NEK11: variants seen among roughly 807,000 people sequenced by gnomAD.
NEK11 encodes NIMA related kinase 11.
A neutral mutation model predicts 80.7 loss-of-function variants in NEK11; 72 were observed. The observed-to-expected ratio is 0.89, with a 90% CI of 0.74 to 1.08. The LOEUF is 1.08. Ranked by LOEUF, NEK11 falls within the 50% of genes least tolerant of loss-of-function variation. The probability of loss-of-function intolerance (pLI) is 0.00; values close to 1 mark genes in which losing one functional copy is unlikely to be tolerated. For synonymous variants in NEK11, 251 were observed against 260.7 expected (o/e 0.96, Z 0.36); for missense variants, 764 against 763.6 (o/e 1.00, Z -0.01).
chr3:131,338,399 A>G (rs2097229568), intron 17 of NEK11, among the ~76,000 whole-genome samples: 1 of 151,326 alleles, frequency 6.6e-6, no homozygotes, highest in Non-Finnish European at 1.5e-5. Context: ...GTTTCTTCAC[A>G]CTTGATCTTC....
intron 14 of NEK11, among the ~76,000 whole-genome samples, chr3:131,186,157 A>G (rs2093592323): frequency 6.6e-6 from 1 of 152,234 alleles, no homozygotes; most frequent in Non-Finnish European, 1.5e-5. Flanking sequence ...GATGATCAAT[A>G]GTATTTCAAC....
intron 14 of NEK11, among the ~76,000 whole-genome samples, chr3:131,212,526 G>A (rs1580284432): frequency 6.7e-6 from 1 of 148,668 alleles, no homozygotes; most frequent in Non-Finnish European, 1.5e-5. Context: ...TCAAAGCTCA[G>A]TTGGAAATGC....
At chr3:131,334,999 T>A (rs1016819260) in intron 17 of NEK11, among the ~76,000 whole-genome samples, 5 of 151,190 alleles carry the variant, frequency 3.3e-5, no homozygotes, top group African/African-American at 1.2e-4. Flanking sequence ...CCAAAAAGAG[T>A]CCGGGACCAG....
Position 131,228,707 on chromosome 3 carries a change from C to T in NEK11, c.1560+19C>T, listed in dbSNP as rs558240999. ...CCAACAGGTATGTAATGCTCCCTGT[C>T]GGAAGCCATGGAACTGTTCAAGGTA... On this transcript the variant is annotated intron_variant, in intron 15 of 17. Coordinates refer to ENST00000383366, the MANE Select transcript of NEK11 (RefSeq NM_024800.5). 9 of 1,606,220 alleles carry T rather than the reference C, an allele frequency of 5.6e-6. No homozygotes were observed. The highest frequency in any genetic ancestry group is 2.7e-5 in the African/African-American group (2 of 74,876).
At chr3:131,301,692 T>C in intron 17 of NEK11, among the ~76,000 whole-genome samples, 1 of 152,218 alleles carries the variant, frequency 6.6e-6, no homozygotes, top group East Asian at 1.9e-4. Context: ...TTGATTTGTG[T>C]ATGTTGAACC....
At chr3:131,199,131 G>C (rs1013317133) in intron 14 of NEK11, among the ~76,000 whole-genome samples, 5 of 151,926 alleles carry the variant, frequency 3.3e-5, no homozygotes, top group African/African-American at 1.2e-4. Flanking sequence ...TTTCTATATA[G>C]CAAAAGACAT....
chr3:131,161,505 A>G (rs369287257), intron 10 of NEK11, among the ~76,000 whole-genome samples: 1 of 152,236 alleles, frequency 6.6e-6, no homozygotes, highest in African/African-American at 2.4e-5. Context: ...CACAGCCATA[A>G]AAATAACAAG....
At chr3:131,158,810 C>T (rs150873646) in intron 10 of NEK11, among the ~76,000 whole-genome samples, 54 of 152,330 alleles carry the variant, frequency 3.5e-4, no homozygotes, top group African/African-American at 5.1e-4. Context: ...CCACCACTGC[C>T]GCTGCTGGCA....
intron 17 of NEK11, among the ~76,000 whole-genome samples, chr3:131,302,179 T>A (rs952834917): frequency 1.3e-4 from 20 of 152,266 alleles, no homozygotes; most frequent in Admixed American, 3.9e-4. Flanking sequence ...GGATTTTTTT[T>A]TATTTCTATA....
intron 5 of NEK11, among the ~76,000 whole-genome samples, chr3:131,118,188 T>G (rs1367544109): frequency 2.6e-5 from 4 of 152,240 alleles, no homozygotes; most frequent in Non-Finnish European, 5.9e-5. Context: ...TATGAAGGGC[T>G]GTTGAAGTTT....
chr3:131,192,015 G>A (rs996944364), intron 14 of NEK11, among the ~76,000 whole-genome samples: 1 of 152,050 alleles, frequency 6.6e-6, no homozygotes, highest in African/African-American at 2.4e-5. Flanking sequence ...CCCACAGAAC[G>A]GGAGAGAATA....
At chr3:131,275,045 A>C (rs563927479) in intron 17 of NEK11, among the ~76,000 whole-genome samples, 1 of 150,160 alleles carries the variant, frequency 6.7e-6, no homozygotes, top group African/African-American at 2.5e-5. Flanking sequence ...GCCAGTGATG[A>C]TGAGCATTTT....
intron 17 of NEK11, among the ~76,000 whole-genome samples, chr3:131,323,220 T>G (rs2096914938): frequency 6.6e-6 from 1 of 152,178 alleles, no homozygotes; most frequent in South Asian, 2.1e-4. Flanking sequence ...AGAAAGCAAT[T>G]AAAAAACTCA....
intron 14 of NEK11, chr3:131,174,769 A>G: frequency 6.2e-7 from 1 of 1,610,202 alleles, no homozygotes; most frequent in Middle Eastern, 1.7e-4. Context: ...TTTTTTAGCA[A>G]CTCACAGCTG....
chr3:131,327,203 A>T (rs1202044330), intron 17 of NEK11: 2 of 152,336 alleles, frequency 1.3e-5, no homozygotes, highest in African/African-American at 4.8e-5. Flanking sequence ...CTCTGCCCAG[A>T]TGGCCCCAAG....
chr3:131,032,833 A>G (rs2065071757), intron 3 of NEK11, among the ~76,000 whole-genome samples: 1 of 152,242 alleles, frequency 6.6e-6, no homozygotes, highest in Non-Finnish European at 1.5e-5. Flanking sequence ...AACAGCACAG[A>G]TTCACCTTAA....
At chr3:131,202,956 T>A (rs1356660914) in intron 14 of NEK11, among the ~76,000 whole-genome samples, 1 of 151,240 alleles carries the variant, frequency 6.6e-6, no homozygotes, top group African/African-American at 2.4e-5. Context: ...TGTGGAGAAA[T>A]AGGAATACTT....
intron 16 of NEK11, among the ~76,000 whole-genome samples, chr3:131,256,319 C>G (rs2095815704): frequency 6.6e-6 from 1 of 152,016 alleles, no homozygotes; most frequent in South Asian, 2.1e-4. Flanking sequence ...CACATTGTAT[C>G]CCATAATTAC....
chr3:131,119,133 C>T (rs532010656), intron 5 of NEK11, among the ~76,000 whole-genome samples: 1 of 152,034 alleles, frequency 6.6e-6, no homozygotes, highest in Non-Finnish European at 1.5e-5. Flanking sequence ...CTCTACTCAC[C>T]GCTTTAAATG....
Sources: allele counts gnomAD v4.1 joint callset (sites outside exome capture counted in the v4.1 genomes callset), GRCh38; gene constraint gnomAD v4.1.1; transcripts MANE v1.5; gene names NCBI Gene and HGNC (gene_info 2026-07-23, HGNC 2026-07-21).